ZNF500: variants seen among roughly 807,000 people sequenced by gnomAD.
ZNF500 encodes the protein zinc finger protein with KRAB and SCAN domains 18.
Under a neutral mutation model 30.1 loss-of-function variants are expected in ZNF500, and 31 were observed. The observed-to-expected ratio is 1.03, with a 90% CI of 0.77 to 1.39. ZNF500 has a LOEUF of 1.39. Ranked by LOEUF, ZNF500 falls within the 40% of genes most tolerant of loss-of-function variation. ZNF500 has a pLI of 0.00. For synonymous variants in ZNF500, 392 were observed against 282.0 expected, an observed-to-expected ratio of 1.39 and a Z score of -3.91; for missense variants, 817 against 657.8, an observed-to-expected ratio of 1.24 and a Z score of -2.65.
Position 4,758,200 on chromosome 16 carries a change from AT to A in ZNF500, c.760+2291del, listed in dbSNP as rs76669087. 6.4e-4 allele frequency: 94 copies of A among 146,896 alleles called. No homozygotes were observed. The East Asian group carries it at 0.013, about 20-fold the overall frequency. 9.1% of individuals were successfully genotyped at this position (146,896 alleles called of 1,614,324 possible). A position where few individuals can be genotyped will look rare whatever the true frequency, so the allele number is the denominator to read the frequency against. ...CAGGTGTGAGTCACCGTGCCTGGCC[AT>A]TTTTTTTTTTAAGCAAGATCAAATA... On this transcript the variant is annotated intron_variant, in intron 5 of 5. Transcript: ENST00000219478.
intron 2 of ZNF500, chr16:4,763,959 C>T (rs1187220332): frequency 1.0e-5 from 10 of 985,342 alleles, no homozygotes; most frequent in African/African-American, 1.7e-5. Context: ...GCCCCATCCA[C>T]GCAAGGCCCT....
At chr16:4,753,494 G>C (rs2082106383) in intron 5 of ZNF500, among the ~76,000 whole-genome samples, 1 of 152,102 alleles carries the variant, frequency 6.6e-6, no homozygotes, top group Non-Finnish European at 1.5e-5. Context: ...CAAACAAAGA[G>C]GAACGCACTT....
chr16:4,752,885 G>C lies in ZNF500; in HGVS notation c.934C>G (p.Pro312Ala), dbSNP rs139564147. 42 of 1,614,084 alleles carry C rather than the reference G, an allele frequency of 2.6e-5. No homozygotes were observed. The African/African-American group carries it at 5.2e-4, about 20-fold the overall frequency. The stretch of plus-strand genomic sequence containing the variant: ...CCATGGGAAGCCCGTCTTCCTGGTG[G>C]GGGGCCGCCTCTTGGCTGATCAGGC... ...VRPDQPRGGP[P>A]PGRRASHGAD... The change falls in exon 6 of 6, where the codon CCA (proline) becomes GCA (alanine). Residue 312 changes from proline to alanine, a missense_variant. Coordinates refer to ENST00000219478, the MANE Select transcript of ZNF500 (RefSeq NM_021646.4).
intron 5 of ZNF500, chr16:4,753,290 G>C (rs376510006): frequency 1.4e-6 from 1 of 730,928 alleles, no homozygotes; most frequent in African/African-American, 1.8e-5. Context: ...GTGAGATCTC[G>C]TCTCTACAGA....
At position 4,761,796 on chromosome 16, in the gene ZNF500, G is replaced by A. The variant is rs141335105; in HGVS notation, c.663+475C>T. Among the ~76,000 whole-genome samples the A allele has an allele frequency of 8.0e-3, 1,218 of 152,140 alleles. 14 individuals are homozygous for A. The highest frequency in any genetic ancestry group is 0.028 in the African/African-American group (1,161 of 41,526). The stretch of plus-strand genomic sequence containing the variant: ...CCCTTGAGCCTGGGAGGTCAAGGCT[G>A]CAGTGAGCTGTAATCACACTACTGC... On this transcript the variant is annotated intron_variant, in intron 4 of 5. Transcript: ENST00000219478.
downstream of ZNF500, among the ~76,000 whole-genome samples, chr16:4,745,226 G>T (rs2081999465): frequency 6.6e-6 from 1 of 152,164 alleles, no homozygotes; most frequent in Admixed American, 6.6e-5. Context: ...TAAATGGCAG[G>T]GCTGGGACTC....
Position 4,750,104 on chromosome 16 carries a change from G to C in ZNF500, c.*2272C>G, listed in dbSNP as rs1207347314. On this transcript the variant is annotated 3_prime_UTR_variant, in exon 6 of 6. Coordinates refer to ENST00000219478, the MANE Select transcript of ZNF500 (RefSeq NM_021646.4). Reference sequence around the variant, plus strand: ...CTCCAGCACAGGCCTGGATATGAGAGAGGGGCCTGGGGGCTCAGGCTGCGC... The same window carrying C: ...CTCCAGCACAGGCCTGGATATGAGACAGGGGCCTGGGGGCTCAGGCTGCGC... The C allele has an allele frequency of 6.6e-6, 1 of 152,620 alleles. No individual in the cohort carries two copies. Among genetic ancestry groups the C allele is most frequent in the Non-Finnish European group, 1.5e-5 (1 of 68,394 alleles). The allele number at this position is 152,620 out of a possible 1,614,324, so 9.5% of individuals were successfully genotyped here.
downstream of ZNF500, chr16:4,746,227 A>G: frequency 1.2e-6 from 1 of 859,836 alleles, no homozygotes; most frequent in Non-Finnish European, 1.8e-6. Context: ...CTGAAGAGTA[A>G]AAGAGCAAAT....
At position 4,752,930 on chromosome 16, in the gene ZNF500, G is replaced by C. The variant is rs1567520611; in HGVS notation, c.889C>G (p.Pro297Ala). Reference protein sequence around the residue: ...GHPLPGQRPAPVRGLVRPDQP... With the variant: ...GHPLPGQRPAAVRGLVRPDQP... ...TCAGGCCTGACCAAGCCCCTGACTGGGGCTGGCCTCTGACCTGGGAGCGGG... is the reference window on the plus strand; with the variant it reads ...TCAGGCCTGACCAAGCCCCTGACTGCGGCTGGCCTCTGACCTGGGAGCGGG... The change falls in exon 6 of 6, where the codon CCA (proline) becomes GCA (alanine). Residue 297 changes from proline to alanine, a missense_variant. Transcript: ENST00000219478. 6.2e-7 allele frequency: 1 copy of C among 1,613,324 alleles called. No homozygotes were observed. The highest frequency in any genetic ancestry group is 2.2e-5 in the East Asian group (1 of 44,864).
intron 2 of ZNF500, chr16:4,763,474 A>C (rs1260900502): frequency 2.3e-6 from 2 of 853,356 alleles, no homozygotes; most frequent in Non-Finnish European, 2.8e-6. Context: ...TCCTAATTCC[A>C]GGAAAGGTGA....
At chr16:4,746,337 G>C (rs1477428537), downstream of ZNF500, 2 of 1,585,698 alleles carry the variant, frequency 1.3e-6, no homozygotes, top group Admixed American at 1.8e-5. Flanking sequence ...AGTTATCACA[G>C]AGAACTGACT....
intron 4 of ZNF500, 140 bp downstream of exon 4, chr16:4,762,131 G>A: frequency 1.0e-6 from 1 of 983,200 alleles, no homozygotes; most frequent in Non-Finnish European, 1.6e-6. Context: ...TTGGGGCAAA[G>A]GGAGAAAACT....
At position 4,765,829 on chromosome 16, in the gene ZNF500, G is replaced by A. The variant is rs374876958; in HGVS notation, c.150C>T (p.Arg50=). Residue 50 remains arginine (R), a synonymous_variant, in exon 2 of 6, where the codon CGC becomes CGT. Coordinates refer to ENST00000219478, the MANE Select transcript of ZNF500 (RefSeq NM_021646.4). ...GGTAGCAGAAGAGCCGGAAGAGCTGGCGGAAAGTCTCAGGGCTGGGGTCCT... is the reference window on the plus strand; with the variant it reads ...GGTAGCAGAAGAGCCGGAAGAGCTGACGGAAAGTCTCAGGGCTGGGGTCCT... ...ETEDPSPETF[R]QLFRLFCYQE... 29 of 1,613,558 alleles carry A rather than the reference G, an allele frequency of 1.8e-5. No homozygotes were observed. The African/African-American group carries it at 3.3e-4, about 19-fold the overall frequency.
chr16:4,748,831 G>A lies in ZNF500; in HGVS notation c.*3545C>T, dbSNP rs2082050795. ...GCACAGTAGGGCGCCGGGCCTTTGG[G>A]ACAGTGTCCCAGCTTCCCCTGGGGT... On this transcript the variant is annotated 3_prime_UTR_variant, in exon 6 of 6. Coordinates refer to ENST00000219478, the MANE Select transcript of ZNF500 (RefSeq NM_021646.4). 2.0e-5 allele frequency: 3 copies of A among 152,360 alleles called. No homozygotes were observed. Among genetic ancestry groups the A allele is most frequent in the Admixed American group, 1.3e-4 (2 of 15,292 alleles). The allele number at this position is 152,360 out of a possible 1,614,324, so 9.4% of individuals were successfully genotyped here. A position where few individuals can be genotyped will look rare whatever the true frequency, so the allele number is the denominator to read the frequency against.
chr16:4,751,520 G>C lies in ZNF500; in HGVS notation c.*856C>G, dbSNP rs1241890288. ...GCAAAGGGGACTGGAATGCTGCAGA[G>C]CCCCGGGCTCCATTTGGAAACTCTG... On this transcript the variant is annotated 3_prime_UTR_variant, in exon 6 of 6. Transcript: ENST00000219478. 6.7e-7 allele frequency: 1 copy of C among 1,498,124 alleles called. No homozygotes were observed. Among genetic ancestry groups the C allele is most frequent in the African/African-American group, 1.4e-5 (1 of 71,960 alleles). The allele number at this position is 1,498,124 out of a possible 1,614,324, so 92.8% of individuals were successfully genotyped here. A position where few individuals can be genotyped will look rare whatever the true frequency, so the allele number is the denominator to read the frequency against.
downstream of ZNF500, chr16:4,747,060 G>A (rs1451592076): frequency 2.0e-6 from 3 of 1,495,544 alleles, no homozygotes; most frequent in South Asian, 1.3e-5. Flanking sequence ...ACCTGCAGAT[G>A]TCCCACCTCT....
downstream of ZNF500, chr16:4,746,896 C>T (rs2082023939): frequency 1.3e-6 from 2 of 1,512,600 alleles, no homozygotes; most frequent in Middle Eastern, 1.7e-4. Context: ...GTGGAGTGGG[C>T]ACATCCAGAA....
rs967019924 is a variant in ZNF500, at chr16:4,752,717, A to G, written c.1102T>C (p.Phe368Leu). Residue 368 changes from phenylalanine (F) to leucine (L), a missense_variant, in exon 6 of 6, where the codon TTC becomes CTC. Physicochemically the swap from Phe to Leu is conservative, Grantham distance 22. Coordinates refer to ENST00000219478, the MANE Select transcript of ZNF500 (RefSeq NM_021646.4). ...GTGTGCACCCTCTGGTGCGTGCTGA[A>G]GTTGGAGCGGTCGCTAAAGCCCTTC... ...CGKGFSDRSN[F>L]STHQRVHTGE... 3 of 1,614,156 alleles carry G rather than the reference A, an allele frequency of 1.9e-6. No individual in the cohort carries two copies. The African/African-American group carries it at 4.0e-5, about 22-fold the overall frequency.
chr16:4,762,322 G>A lies in ZNF500; in HGVS notation c.612C>T (p.Pro204=), dbSNP rs1191391018. The A allele has an allele frequency of 1.9e-6, 3 of 1,608,312 alleles. No homozygotes were observed. The highest frequency in any genetic ancestry group is 2.5e-6 in the Non-Finnish European group (3 of 1,177,450). ...AGGCTGACGCCATCTCCTGATGCCG[G>A]GGAGCTGGAGGGCCTGGGAAGGAGC... The part of the protein sequence containing the change: ...LLWPERGPPA[P]RHQEMASASP... Residue 204 remains proline, a synonymous_variant, in exon 4 of 6, where the codon CCC becomes CCT. Transcript: ENST00000219478.
Sources: gnomAD v4.1 joint callset for allele counts (sites outside exome capture counted in the v4.1 genomes callset) on GRCh38, gnomAD v4.1.1 for gene constraint, MANE v1.5 for transcripts, NCBI Gene and HGNC (gene_info 2026-07-23, HGNC 2026-07-21) for gene names.